The following SVOPL variants were observed in gnomAD, a reference collection of about 807,000 sequenced individuals.
SVOPL encodes the protein putative transporter SVOPL.
SVOPL carries 60 observed loss-of-function variants against 61.0 expected under a neutral mutation model. The ratio of observed to expected loss-of-function variants is 0.98; its 90% CI spans 0.80 to 1.22. The LOEUF (loss-of-function observed/expected upper bound fraction) is 1.22. Among genes scored for constraint, SVOPL ranks in the 50% most tolerant of loss-of-function variants. SVOPL has a pLI of 0.00. For missense variants in SVOPL, 662 were observed against 643.9 expected (o/e 1.03, Z -0.30); for synonymous variants, 279 against 250.0 (o/e 1.12, Z -1.09).
At chr7:138,602,668 C>CA in intron 14 of SVOPL, among the ~76,000 whole-genome samples, 1 of 151,864 alleles carries the variant, frequency 6.6e-6, no homozygotes. Flanking sequence ...CCTTTGGTGC[C>CA]AGCAGGAGGC....
intron 14 of SVOPL, among the ~76,000 whole-genome samples, chr7:138,603,918 T>TA (rs1485381953): frequency 6.6e-6 from 1 of 151,920 alleles, no homozygotes; most frequent in East Asian, 1.9e-4. Context: ...GATAAACCTT[T>TA]ACAAAATTAT....
chr7:138,597,217 A>C, intron 14 of SVOPL: 1 of 1,289,452 alleles, frequency 7.8e-7, no homozygotes, highest in Middle Eastern at 2.1e-4. Flanking sequence ...AACGACAGTA[A>C]AGTATGAAGT....
chr7:138,621,215 G>C, intron 13 of SVOPL, 80 bp from the exon 14 acceptor site: 1 of 1,265,504 alleles, frequency 7.9e-7, no homozygotes, highest in Non-Finnish European at 1.1e-6. Context: ...TCCTCCCCAG[G>C]TCAGGTTTTG....
At chr7:138,597,115 T>C in intron 14 of SVOPL, 1 of 1,273,838 alleles carries the variant, frequency 7.9e-7, no homozygotes, top group South Asian at 1.3e-5. Context: ...TTGGCCTGGA[T>C]CTTTTCACGC....
At chr7:138,693,277 G>A (rs1300291955) in intron 1 of SVOPL, among the ~76,000 whole-genome samples, 4 of 152,034 alleles carry the variant, frequency 2.6e-5, no homozygotes, top group Admixed American at 6.6e-5. Context: ...AGGCCAAGGC[G>A]GAAGGATTGT....
intron 13 of SVOPL, among the ~76,000 whole-genome samples, chr7:138,622,493 C>CG (rs916531316): frequency 0.011 from 1,161 of 101,192 alleles, 7 homozygotes; most frequent in African/African-American, 0.018. Flanking sequence ...CAGCGGCGGG[C>CG]GGGGGGTCTC....
intron 1 of SVOPL, among the ~76,000 whole-genome samples, chr7:138,683,897 C>T (rs1288168734): frequency 6.7e-6 from 1 of 150,260 alleles, no homozygotes; most frequent in African/African-American, 2.5e-5. Flanking sequence ...ATTAAAAATA[C>T]AAAAATTAGC....
At chr7:138,676,132 G>A (rs1033184556) in intron 3 of SVOPL, among the ~76,000 whole-genome samples, 1 of 152,174 alleles carries the variant, frequency 6.6e-6, no homozygotes, top group Non-Finnish European at 1.5e-5. Context: ...CACAGTGCCT[G>A]GTCTGGAGTT....
At chr7:138,604,536 G>T (rs568718797) in intron 14 of SVOPL, among the ~76,000 whole-genome samples, 2 of 151,974 alleles carry the variant, frequency 1.3e-5, no homozygotes, top group South Asian at 2.1e-4. Context: ...AGCTAGCCAG[G>T]CGTGGTGGCA....
chr7:138,644,570 T>C (rs1459554069), intron 9 of SVOPL, 147 bp downstream of exon 9: 2 of 1,170,308 alleles, frequency 1.7e-6, no homozygotes, highest in Non-Finnish European at 2.3e-6. Flanking sequence ...TGAAAATGAA[T>C]GTAGCCTCAC....
At chr7:138,677,480 T>C (rs1317797132) in intron 3 of SVOPL, among the ~76,000 whole-genome samples, 1 of 152,124 alleles carries the variant, frequency 6.6e-6, no homozygotes, top group Non-Finnish European at 1.5e-5. Flanking sequence ...GAAAAAGAAA[T>C]AAGTCAAATA....
intron 1 of SVOPL, among the ~76,000 whole-genome samples, chr7:138,679,673 G>A (rs1802658257): frequency 6.6e-6 from 1 of 152,048 alleles, no homozygotes; most frequent in Admixed American, 6.6e-5. Flanking sequence ...TATAATAATG[G>A]CACCCAACTT....
At chr7:138,635,401 T>A (rs979705479) in intron 9 of SVOPL, among the ~76,000 whole-genome samples, 94 of 151,914 alleles carry the variant, frequency 6.2e-4, no homozygotes, top group African/African-American at 2.2e-3. Flanking sequence ...TTTACTTTTT[T>A]TTTTTTTTAA....
At chr7:138,632,682 T>G (rs575644310) in intron 9 of SVOPL, among the ~76,000 whole-genome samples, 5 of 118,434 alleles carry the variant, frequency 4.2e-5, no homozygotes, top group Non-Finnish European at 3.5e-5. Context: ...AAAGGGAGGA[T>G]GGAGAATGTG....
intron 14 of SVOPL, among the ~76,000 whole-genome samples, chr7:138,604,745 C>G (rs1798680693): frequency 7.0e-6 from 1 of 143,596 alleles, no homozygotes; most frequent in African/African-American, 2.6e-5. Context: ...TCTTCCAATT[C>G]AAGAAGTTAA....
intron 9 of SVOPL, among the ~76,000 whole-genome samples, chr7:138,637,683 G>A (rs1347823122): frequency 4.6e-5 from 7 of 152,090 alleles, no homozygotes; most frequent in Admixed American, 4.6e-4. Context: ...CAGACGTAGT[G>A]GCTCATGCCT....
chr7:138,621,553 G>A (rs1396304399), intron 13 of SVOPL, among the ~76,000 whole-genome samples: 1 of 152,118 alleles, frequency 6.6e-6, no homozygotes, highest in Non-Finnish European at 1.5e-5. Flanking sequence ...TAGAGGGCCA[G>A]GTACTTGCCA....
intron 9 of SVOPL, among the ~76,000 whole-genome samples, chr7:138,631,779 G>T (rs2116930604): frequency 6.6e-6 from 1 of 152,208 alleles, no homozygotes; most frequent in East Asian, 1.9e-4. Context: ...ATGTTGCCCA[G>T]GCTGGTCTCA....
chr7:138,659,741 CT>C, intron 6 of SVOPL, 122 bp downstream of exon 6: 1 of 1,021,390 alleles, frequency 9.8e-7, no homozygotes, highest in African/African-American at 1.6e-5. Context: ...TCTAAATGGA[CT>C]GAAACCTGTC....
Sources: allele counts gnomAD v4.1 joint callset (sites outside exome capture counted in the v4.1 genomes callset), GRCh38; gene constraint gnomAD v4.1.1; transcripts MANE v1.5; gene names NCBI Gene and HGNC (gene_info 2026-07-23, HGNC 2026-07-21).